CDKL5: variants seen among roughly 807,000 people sequenced by gnomAD.
The protein encoded by CDKL5 is cyclin-dependent kinase-like 5.
CDKL5 carries 8 observed loss-of-function variants against 61.7 expected under a neutral mutation model. That is an observed-to-expected ratio of 0.13 (90% CI 0.08 to 0.23). The LOEUF is 0.23. Among genes scored for constraint, CDKL5 ranks in the 10% least tolerant of loss-of-function variants. CDKL5 has a pLI of 1.00. For synonymous variants in CDKL5, 275 were observed against 272.3 expected (o/e 1.01, Z -0.10); for missense variants, 440 against 734.5 (o/e 0.60, Z 4.63).
In CDKL5 at chrX:18,613,510, A is replaced by G. The variant is rs75466526; in HGVS notation, c.2276+235A>G. Among the ~76,000 whole-genome samples the G allele has an allele frequency of 2.9e-3, 327 of 112,032 alleles. 2 individuals carry two copies. The East Asian group carries it at 0.049, about 17-fold the overall frequency. ...AATCTCCTGGATTATTAAATACCTG[A>G]TACGCTTTCCACTGTGTTGTTCTGA... On this transcript the variant is annotated intron_variant, in intron 15 of 17. Coordinates refer to ENST00000623535, the MANE Select transcript of CDKL5 (RefSeq NM_001323289.2).
intron 1 of CDKL5, among the ~76,000 whole-genome samples, chrX:18,465,973 G>A (rs539437041): frequency 1.8e-5 from 2 of 112,147 alleles, no homozygotes; most frequent in African/African-American, 6.5e-5. Context: ...TATTGCTGGT[G>A]TATAGAAATA....
At chrX:18,604,944 C>G (rs758838481) in intron 12 of CDKL5, 76 bp downstream of exon 12, 11 of 1,105,091 alleles carry the variant, frequency 1.0e-5, no homozygotes, top group Non-Finnish European at 1.4e-5. Flanking sequence ...GAGGGTCCAT[C>G]TACTATTTTC....
chrX:18,446,549 C>T (rs939257194), intron 1 of CDKL5, among the ~76,000 whole-genome samples: 2 of 111,816 alleles, frequency 1.8e-5, no homozygotes, highest in Non-Finnish European at 1.9e-5. Context: ...AGTCTGTTCT[C>T]TCCTTTATGC....
chrX:18,557,450 C>T (rs1196566123), intron 3 of CDKL5, among the ~76,000 whole-genome samples: 1 of 111,346 alleles, frequency 9.0e-6, no homozygotes, highest in Non-Finnish European at 1.9e-5. Context: ...ATCCTGGAAC[C>T]AGTGGCCCCC....
At chrX:18,621,979 C>T (rs1483567301) in intron 16 of CDKL5, among the ~76,000 whole-genome samples, 2 of 111,896 alleles carry the variant, frequency 1.8e-5, no homozygotes, top group African/African-American at 3.2e-5. Flanking sequence ...TTGTTCTAAA[C>T]CACAGGTCTC....
At chrX:18,579,779 G>A in intron 5 of CDKL5, 69 bp from the exon 6 acceptor site, 1 of 1,028,144 alleles carries the variant, frequency 9.7e-7, no homozygotes, top group Non-Finnish European at 1.4e-6. Flanking sequence ...TAGATGCTTT[G>A]TAAAATTGTT....
At chrX:18,583,693 A>T (rs1217735305) in intron 7 of CDKL5, among the ~76,000 whole-genome samples, 2 of 111,414 alleles carry the variant, frequency 1.8e-5, no homozygotes, top group Non-Finnish European at 3.8e-5. Context: ...GGGTAAAAGT[A>T]GTGGTAGAGT....
At chrX:18,456,301 G>A (rs1414717669) in intron 1 of CDKL5, among the ~76,000 whole-genome samples, 1 of 111,145 alleles carries the variant, frequency 9.0e-6, no homozygotes, top group Non-Finnish European at 1.9e-5. Context: ...GCCACCCAAA[G>A]AGCTGGGATT....
At chrX:18,501,539 T>TA (rs1345719408) in intron 1 of CDKL5, among the ~76,000 whole-genome samples, 4 of 111,017 alleles carry the variant, frequency 3.6e-5, no homozygotes, top group Non-Finnish European at 7.6e-5. Flanking sequence ...ATGTTTTTTT[T>TA]AAAAAATTTT....
At chrX:18,497,062 G>A (rs184872339) in intron 1 of CDKL5, among the ~76,000 whole-genome samples, 276 of 108,039 alleles carry the variant, frequency 2.6e-3, no homozygotes, top group Middle Eastern at 4.8e-3. Flanking sequence ...GCGCTATCTC[G>A]GCTTACTGTA....
intron 1 of CDKL5, among the ~76,000 whole-genome samples, chrX:18,461,624 A>G (rs947081647): frequency 1.8e-5 from 2 of 112,178 alleles, no homozygotes; most frequent in Non-Finnish European, 3.8e-5. Context: ...GAATGAGTGT[A>G]CTTTGCCTGT....
intron 3 of CDKL5, among the ~76,000 whole-genome samples, chrX:18,550,084 G>A (rs1020071839): frequency 4.5e-5 from 5 of 111,692 alleles, no homozygotes; most frequent in Non-Finnish European, 9.4e-5. Context: ...CAGCCACGCT[G>A]TAGCTGACAC....
At chrX:18,579,607 G>A (rs1315548165) in intron 5 of CDKL5, among the ~76,000 whole-genome samples, 1 of 110,597 alleles carries the variant, frequency 9.0e-6, no homozygotes, top group African/African-American at 3.3e-5. Context: ...TAGGGAGAGT[G>A]AAAAGTATAC....
At chrX:18,543,792 T>C (rs1345349221) in intron 3 of CDKL5, among the ~76,000 whole-genome samples, 1 of 111,471 alleles carries the variant, frequency 9.0e-6, no homozygotes, top group Non-Finnish European at 1.9e-5. Flanking sequence ...TTTGCCCCAT[T>C]ATACTCAGAT....
At chrX:18,485,630 A>G (rs1471405491) in intron 1 of CDKL5, among the ~76,000 whole-genome samples, 1 of 112,191 alleles carries the variant, frequency 8.9e-6, no homozygotes, top group African/African-American at 3.2e-5. Context: ...TAGTGGGTAC[A>G]TTTTGTATGC....
At chrX:18,453,817 A>G (rs1932076773) in intron 1 of CDKL5, among the ~76,000 whole-genome samples, 1 of 112,088 alleles carries the variant, frequency 8.9e-6, no homozygotes, top group African/African-American at 3.2e-5. Context: ...GATTCTTTTG[A>G]AAAACCTACG....
At chrX:18,469,028 A>G (rs1602208714) in intron 1 of CDKL5, among the ~76,000 whole-genome samples, 1 of 111,387 alleles carries the variant, frequency 9.0e-6, no homozygotes, top group East Asian at 2.8e-4. Flanking sequence ...AAGACTCTTT[A>G]GAAAAGGTCA....
At chrX:18,593,444 T>C (rs1369718766) in intron 9 of CDKL5, among the ~76,000 whole-genome samples, 1 of 111,830 alleles carries the variant, frequency 8.9e-6, no homozygotes, top group Non-Finnish European at 1.9e-5. Context: ...ATAGACCTCA[T>C]ACACAAAATA....
At chrX:18,470,116 C>T (rs1921030274) in intron 1 of CDKL5, among the ~76,000 whole-genome samples, 1 of 110,821 alleles carries the variant, frequency 9.0e-6, no homozygotes, top group Non-Finnish European at 1.9e-5. Context: ...GCAGGCGGAT[C>T]ACCTGAGGTC....
Sources: allele counts gnomAD v4.1 joint callset (sites outside exome capture counted in the v4.1 genomes callset), GRCh38; gene constraint gnomAD v4.1.1; transcripts MANE v1.5; gene names NCBI Gene and HGNC (gene_info 2026-07-23, HGNC 2026-07-21).